Variants in C12orf60 observed in about 807,000 individuals in gnomAD.
C12orf60 encodes uncharacterized protein C12orf60.
For synonymous variants in C12orf60, 102 were observed against 94.6 expected (o/e 1.08, Z -0.45); for missense variants, 284 against 283.2 (o/e 1.00, Z -0.02).
At chr12:14,806,863 G>C (rs942464611) in intron 1 of C12orf60, among the ~76,000 whole-genome samples, 1 of 152,110 alleles carries the variant, frequency 6.6e-6, no homozygotes, top group Non-Finnish European at 1.5e-5. Context: ...AGGGAGTATC[G>C]CTGTGTCACC....
At chr12:14,805,766 A>C in intron 1 of C12orf60, 1 of 496,278 alleles carries the variant, frequency 2.0e-6, no homozygotes, top group Non-Finnish European at 3.5e-6. Context: ...AGGGTGTGAA[A>C]ACATCCAGGG....
intron 1 of C12orf60, among the ~76,000 whole-genome samples, chr12:14,821,732 T>G (rs962596985): frequency 6.6e-6 from 1 of 151,994 alleles, no homozygotes; most frequent in Non-Finnish European, 1.5e-5. Context: ...CACCTGCTGT[T>G]TGATTCCCGG....
chr12:14,822,146 G>T (rs953925136), intron 1 of C12orf60, among the ~76,000 whole-genome samples: 33 of 144,642 alleles, frequency 2.3e-4, no homozygotes, highest in East Asian at 6.0e-4. Context: ...CTACCATTTT[G>T]TTGTTGGCAA....
intron 1 of C12orf60, among the ~76,000 whole-genome samples, chr12:14,812,860 C>G (rs1287713179): frequency 6.6e-6 from 1 of 152,062 alleles, no homozygotes; most frequent in Non-Finnish European, 1.5e-5. Flanking sequence ...CACCCAGATA[C>G]TGAGCATAGT....
At chr12:14,806,123 T>C in intron 1 of C12orf60, 1 of 1,614,186 alleles carries the variant, frequency 6.2e-7, no homozygotes, top group Non-Finnish European at 8.5e-7. Flanking sequence ...CTTGAAGCTG[T>C]GTTTTTTCCA....
intron 1 of C12orf60, among the ~76,000 whole-genome samples, chr12:14,804,341 A>T (rs1372933764): frequency 2.6e-5 from 4 of 152,346 alleles, no homozygotes; most frequent in Middle Eastern, 3.4e-3. Context: ...TTAAACATTT[A>T]AAAAACTATC....
At chr12:14,814,505 G>A (rs1241448106) in intron 1 of C12orf60, among the ~76,000 whole-genome samples, 1 of 151,952 alleles carries the variant, frequency 6.6e-6, no homozygotes, top group Non-Finnish European at 1.5e-5. Context: ...CAGATTTTGG[G>A]GTTTTATCTT....
Position 14,822,967 on chromosome 12 carries a change from G to C in C12orf60, c.32G>C (p.Arg11Thr). 6.2e-7 allele frequency: 1 copy of C among 1,602,140 alleles called. No individual in the cohort carries two copies. Among genetic ancestry groups the C allele is most frequent in the Non-Finnish European group, 8.5e-7 (1 of 1,171,554 alleles). The change falls in exon 2 of 2, where the codon AGA becomes ACA. Residue 11 changes from arginine (R) to threonine (T), a missense_variant. Physicochemically the swap from Arg to Thr is moderately conservative, Grantham distance 71. Transcript: ENST00000330828. The stretch of plus-strand genomic sequence containing the variant: ...TCAGAGTCAGAAAAGGATAAAGAGA[G>C]ACTGATTCAAGCTGCCAAAATGTTC... MSSESEKDKE[R>T]LIQAAKMFFF...
At chr12:14,805,937 A>C in intron 1 of C12orf60, 1 of 1,463,602 alleles carries the variant, frequency 6.8e-7, no homozygotes, top group South Asian at 1.4e-5. Context: ...GAACCTAATC[A>C]AAGAAGCAAA....
intron 1 of C12orf60, chr12:14,806,623 G>A (rs202090335): frequency 1.2e-6 from 2 of 1,612,926 alleles, no homozygotes; most frequent in Non-Finnish European, 8.5e-7. Flanking sequence ...TGGTGAAGAC[G>A]ATTTACTTCT....
At chr12:14,819,851 C>T (rs1246483926) in intron 1 of C12orf60, among the ~76,000 whole-genome samples, 1 of 151,892 alleles carries the variant, frequency 6.6e-6, no homozygotes, top group Admixed American at 6.5e-5. Context: ...GAATATTGGT[C>T]TAGAGTTTTC....
intron 1 of C12orf60, chr12:14,806,593 A>G: frequency 6.2e-7 from 1 of 1,614,194 alleles, no homozygotes. Context: ...AAGCTGTCAG[A>G]TAAGCAATCA....
chr12:14,823,800 C>G lies in C12orf60; in HGVS notation c.*127C>G, dbSNP rs1173305485. 2.6e-6 allele frequency: 2 copies of G among 765,386 alleles called. No homozygotes were observed. The highest frequency in any genetic ancestry group is 3.8e-6 in the Non-Finnish European group (2 of 528,508). 47.4% of individuals were successfully genotyped at this position (765,386 alleles called of 1,614,324 possible). ...TAGAACATAAGTACACAAAAGTCAT[C>G]TGGCAAAACATTTACCTGTAGTTTT... On this transcript the variant is annotated 3_prime_UTR_variant, in exon 2 of 2. Transcript: ENST00000330828.
Position 14,803,749 on chromosome 12 carries a change from C to T in C12orf60, c.-27C>T, listed in dbSNP as rs908553538. 5.5e-6 allele frequency: 2 copies of T among 363,256 alleles called. No individual in the cohort carries two copies. Among genetic ancestry groups the T allele is most frequent in the Non-Finnish European group, 9.8e-6 (2 of 204,352 alleles). The allele number at this position is 363,256 out of a possible 1,614,324, so 22.5% of individuals were successfully genotyped here. ...GCATCTTGACTTAGTTGCTGGGAGCCTGGTACGTTGAGCCGTCCGAGAACG... is the reference window on the plus strand; with the variant it reads ...GCATCTTGACTTAGTTGCTGGGAGCTTGGTACGTTGAGCCGTCCGAGAACG... On this transcript the variant is annotated splice_region_variant and 5_prime_UTR_variant, in exon 1 of 2. Coordinates refer to ENST00000330828, the MANE Select transcript of C12orf60 (RefSeq NM_175874.4).
rs1038103200 is a variant in C12orf60 at position 14,805,905 on chromosome 12, A to G, written c.-25+2154A>G. 4.1e-6 allele frequency: 5 copies of G among 1,208,848 alleles called. No homozygotes were observed. In the African/African-American group the frequency reaches 6.1e-5, roughly 15 times the overall value. 74.9% of individuals were successfully genotyped at this position (1,208,848 alleles called of 1,614,324 possible). A position where few individuals can be genotyped will look rare whatever the true frequency, so the allele number is the denominator to read the frequency against. ...CAAATTGTTTATCTTATTTAAGTCC[A>G]TATTGGAAGCCTATAGAAAATGAAC... On this transcript the variant is annotated intron_variant, in intron 1 of 1. Transcript: ENST00000330828.
rs1164210436 is a variant in C12orf60 at position 14,824,097 on chromosome 12, C to T, written c.*424C>T. 1.3e-5 allele frequency: 2 copies of T among 154,092 alleles called. No homozygotes were observed. Among genetic ancestry groups the T allele is most frequent in the African/African-American group, 4.8e-5 (2 of 41,452 alleles). 9.5% of individuals were successfully genotyped at this position (154,092 alleles called of 1,614,324 possible). Reference sequence around the variant, plus strand: ...CAAAATAAACTCCATTTTTGTCACTCATATACCAATTTCTATATACTTCAG... The same window carrying T: ...CAAAATAAACTCCATTTTTGTCACTTATATACCAATTTCTATATACTTCAG... On this transcript the variant is annotated 3_prime_UTR_variant, in exon 2 of 2. Transcript: ENST00000330828.
At chr12:14,812,754 T>G (rs1405978116) in intron 1 of C12orf60, among the ~76,000 whole-genome samples, 1 of 151,958 alleles carries the variant, frequency 6.6e-6, no homozygotes, top group African/African-American at 2.4e-5. Flanking sequence ...TGCTATAAAA[T>G]TTTTACAATT....
intron 1 of C12orf60, among the ~76,000 whole-genome samples, chr12:14,812,045 C>T (rs569281623): frequency 2.6e-5 from 4 of 152,126 alleles, no homozygotes; most frequent in Non-Finnish European, 5.9e-5. Flanking sequence ...TTTTGTTATT[C>T]TTTTTCAAAA....
At chr12:14,807,047 G>A (rs905333152) in intron 1 of C12orf60, among the ~76,000 whole-genome samples, 1 of 152,198 alleles carries the variant, frequency 6.6e-6, no homozygotes, top group Non-Finnish European at 1.5e-5. Flanking sequence ...GCCCAGGCTG[G>A]TCTCCAACTC....
Sources: allele counts gnomAD v4.1 joint callset (sites outside exome capture counted in the v4.1 genomes callset), GRCh38; gene constraint gnomAD v4.1.1; transcripts MANE v1.5; gene names NCBI Gene and HGNC (gene_info 2026-07-23, HGNC 2026-07-21).